CCBE1: variants seen among roughly 807,000 people sequenced by gnomAD.
The protein encoded by CCBE1 is collagen and calcium-binding EGF domain-containing protein 1.
Under a neutral mutation model 50.0 loss-of-function variants are expected in CCBE1, and 37 were observed. That is an observed-to-expected ratio of 0.74 (90% confidence interval 0.57 to 0.97). The LOEUF is 0.97. Ranked by LOEUF, CCBE1 falls within the 50% of genes least tolerant of loss-of-function variation. The pLI, the probability that CCBE1 is intolerant of heterozygous loss-of-function variation, is 0.00. For synonymous variants in CCBE1, 234 were observed against 203.7 expected, an observed-to-expected ratio of 1.15 and a Z score of -1.27; for missense variants, 538 against 523.8, an observed-to-expected ratio of 1.03 and a Z score of -0.26.
intron 5 of CCBE1, among the ~76,000 whole-genome samples, chr18:59,457,478 C>T (rs143166685): frequency 6.6e-6 from 1 of 152,280 alleles, no homozygotes; most frequent in Non-Finnish European, 1.5e-5. Flanking sequence ...ACAATTCCCA[C>T]CACATGTGGC....
intron 2 of CCBE1, among the ~76,000 whole-genome samples, chr18:59,592,352 G>T (rs186976646): frequency 9.8e-5 from 15 of 152,308 alleles, no homozygotes; most frequent in Admixed American, 9.1e-4. Flanking sequence ...GTATATACAA[G>T]TATTCCAAAG....
At chr18:59,596,728 T>C (rs1180993867) in intron 2 of CCBE1, among the ~76,000 whole-genome samples, 2 of 152,218 alleles carry the variant, frequency 1.3e-5, no homozygotes, top group East Asian at 3.8e-4. Context: ...TCCATTTCCA[T>C]CACGTAGCAA....
chr18:59,619,330 G>A (rs1442851544), intron 2 of CCBE1, among the ~76,000 whole-genome samples: 1 of 152,028 alleles, frequency 6.6e-6, no homozygotes, highest in Non-Finnish European at 1.5e-5. Context: ...TTTTAGAGAC[G>A]GAGTCTTGCT....
At chr18:59,621,132 C>T (rs2053704885) in intron 2 of CCBE1, among the ~76,000 whole-genome samples, 2 of 152,188 alleles carry the variant, frequency 1.3e-5, no homozygotes, top group African/African-American at 4.8e-5. Flanking sequence ...CAAAACAGAG[C>T]ATGTGACTGG....
intron 5 of CCBE1, among the ~76,000 whole-genome samples, chr18:59,461,500 G>C (rs1022048831): frequency 6.6e-6 from 1 of 151,978 alleles, no homozygotes; most frequent in African/African-American, 2.4e-5. Context: ...CTGGTTACTG[G>C]TGTTTCAATT....
chr18:59,594,129 C>A (rs775803709), intron 2 of CCBE1, among the ~76,000 whole-genome samples: 2 of 152,230 alleles, frequency 1.3e-5, no homozygotes, highest in Non-Finnish European at 2.9e-5. Context: ...TTCTTGCCAT[C>A]TTGGGGCCCC....
chr18:59,489,392 A>C (rs1912980673), intron 2 of CCBE1, among the ~76,000 whole-genome samples: 1 of 151,682 alleles, frequency 6.6e-6, no homozygotes, highest in Admixed American at 6.6e-5. Context: ...GGAATGATTA[A>C]CTTTCTTATT....
rs7228077 is a variant in CCBE1 at position 59,436,320 on chromosome 18, G to A, written c.988-179C>T. 0.19 allele frequency among the ~76,000 whole-genome samples: 29,618 copies of A among 152,094 alleles called. 3,187 individuals carry two copies. The highest frequency in any genetic ancestry group is 0.32 in the Middle Eastern group (94 of 294). On this transcript the variant is annotated intron_variant, in intron 10 of 10. Coordinates refer to ENST00000439986, the MANE Select transcript of CCBE1 (RefSeq NM_133459.4). Reference sequence around the variant, plus strand: ...GTCCTCCATATTGTTTTCTAATTCTGTCACTTCTCAGCTGAGCTTTGGTGA... The same window carrying A: ...GTCCTCCATATTGTTTTCTAATTCTATCACTTCTCAGCTGAGCTTTGGTGA...
intron 2 of CCBE1, among the ~76,000 whole-genome samples, chr18:59,651,872 A>G (rs538156890): frequency 6.6e-6 from 1 of 152,376 alleles, no homozygotes; most frequent in South Asian, 2.1e-4. Context: ...TACAGTGTGT[A>G]GCAATCAAGT....
intron 2 of CCBE1, among the ~76,000 whole-genome samples, chr18:59,561,326 T>G (rs562702429): frequency 1.6e-4 from 24 of 152,302 alleles, no homozygotes; most frequent in African/African-American, 5.5e-4. Context: ...ATGCCCAAAA[T>G]TACGTCAGGC....
rs186706711 is a variant in CCBE1 at position 59,529,786 on chromosome 18, T to C, written c.213-49548A>G. On this transcript the variant is annotated intron_variant, in intron 2 of 10. Coordinates refer to ENST00000439986, the MANE Select transcript of CCBE1 (RefSeq NM_133459.4). ...GGGAGCCTCCAACTGCAGCTGTTTC[T>C]GGTCATTGATCTTGGCCCCTCCTAG... Among the ~76,000 whole-genome samples the C allele has an allele frequency of 3.3e-4, 50 of 152,274 alleles. 1 individual carries two copies. In the East Asian group the frequency reaches 9.1e-3, roughly 28 times the overall value.
chr18:59,473,497 A>G (rs1912135633), intron 3 of CCBE1, among the ~76,000 whole-genome samples: 1 of 152,168 alleles, frequency 6.6e-6, no homozygotes, highest in African/African-American at 2.4e-5. Context: ...TATATCTTTA[A>G]GAACTTACTC....
At chr18:59,658,879 C>CAA (rs61226521) in intron 2 of CCBE1, among the ~76,000 whole-genome samples, 1,617 of 54,718 alleles carry the variant, frequency 0.03, 209 homozygotes, top group East Asian at 0.036. Context: ...GACTCTGTCT[C>CAA]AAAAAAAAAA....
intron 3 of CCBE1, among the ~76,000 whole-genome samples, chr18:59,472,374 C>G (rs1912073882): frequency 6.6e-6 from 1 of 152,196 alleles, no homozygotes; most frequent in African/African-American, 2.4e-5. Flanking sequence ...TAATTGCTTT[C>G]TGTTAAATAA....
intron 2 of CCBE1, among the ~76,000 whole-genome samples, chr18:59,491,222 A>G (rs1913081731): frequency 6.6e-6 from 1 of 152,224 alleles, no homozygotes. Context: ...ATTGTTCACC[A>G]TGGTTACCAA....
At chr18:59,457,601 T>A (rs1911258046) in intron 5 of CCBE1, among the ~76,000 whole-genome samples, 1 of 152,080 alleles carries the variant, frequency 6.6e-6, no homozygotes, top group Admixed American at 6.5e-5. Flanking sequence ...CCCCTTAAAT[T>A]TCCTTTGCCT....
chr18:59,546,883 G>T (rs1307701906), intron 2 of CCBE1, among the ~76,000 whole-genome samples: 1 of 152,050 alleles, frequency 6.6e-6, no homozygotes, highest in Admixed American at 6.6e-5. Flanking sequence ...GTGGAGCTTG[G>T]CCATTCTTTT....
chr18:59,681,139 G>A (rs1431116153), intron 2 of CCBE1, among the ~76,000 whole-genome samples: 2 of 151,518 alleles, frequency 1.3e-5, no homozygotes, highest in Non-Finnish European at 2.9e-5. Flanking sequence ...CATTTCCCTC[G>A]GAATCTTTAA....
chr18:59,514,279 T>TA (rs755274142), intron 2 of CCBE1, among the ~76,000 whole-genome samples: 4 of 152,152 alleles, frequency 2.6e-5, no homozygotes, highest in African/African-American at 7.2e-5. Context: ...ACACTGATGC[T>TA]AAATCAGTGG....
Sources: allele counts gnomAD v4.1 joint callset (sites outside exome capture counted in the v4.1 genomes callset), GRCh38; gene constraint gnomAD v4.1.1; transcripts MANE v1.5; gene names NCBI Gene and HGNC (gene_info 2026-07-23, HGNC 2026-07-21).